NUMB: variants seen among roughly 807,000 people sequenced by gnomAD.
NUMB encodes NUMB endocytic adaptor protein.
A neutral mutation model predicts 59.7 loss-of-function variants in NUMB; 29 were observed. The observed-to-expected ratio is 0.49, with a 90% CI of 0.36 to 0.66. The LOEUF is 0.66. Among genes scored for constraint, NUMB ranks in the 30% least tolerant of loss-of-function variants. The pLI, the probability that NUMB is intolerant of heterozygous loss-of-function variation, is 0.00. For synonymous variants in NUMB, 288 were observed against 288.2 expected, an observed-to-expected ratio of 1.00 and a Z score of 0.01; for missense variants, 723 against 822.0, an observed-to-expected ratio of 0.88 and a Z score of 1.47.
rs982220377 is a variant in NUMB at position 73,450,581 on chromosome 14, G to C, written c.-233+7912C>G. ...AGGCCAAGGCAGGTGGATTACTTGA[G>C]GTCAGGAGTTTGAGATCAGCCTGGC... is the stretch of plus-strand genomic sequence containing the variant. On this transcript the variant is annotated intron_variant, in intron 1 of 12. Transcript: ENST00000555238. Among the ~76,000 whole-genome samples, 17 of 152,140 alleles carry C rather than the reference G, an allele frequency of 1.1e-4. No individual in the cohort carries two copies. The South Asian group carries it at 1.9e-3, about 17-fold the overall frequency.
intron 2 of NUMB, among the ~76,000 whole-genome samples, chr14:73,381,760 A>G (rs889072293): frequency 2.0e-5 from 3 of 152,256 alleles, no homozygotes; most frequent in Admixed American, 6.5e-5. Flanking sequence ...AATATGCTTA[A>G]AATTGTTTAA....
intron 2 of NUMB, among the ~76,000 whole-genome samples, chr14:73,374,466 C>T (rs1046031249): frequency 1.3e-5 from 2 of 152,142 alleles, no homozygotes; most frequent in Non-Finnish European, 2.9e-5. Flanking sequence ...ATTTTCCTTC[C>T]TTCTTTCAGA....
intron 4 of NUMB, among the ~76,000 whole-genome samples, chr14:73,345,388 A>G (rs573680126): frequency 6.6e-6 from 1 of 152,278 alleles, no homozygotes; most frequent in Non-Finnish European, 1.5e-5. Flanking sequence ...ATCAGGTACC[A>G]TGCTCACTAC....
intron 6 of NUMB, among the ~76,000 whole-genome samples, chr14:73,302,249 A>G (rs371727376): frequency 7.6e-4 from 116 of 152,194 alleles, no homozygotes; most frequent in Middle Eastern, 3.4e-3. Flanking sequence ...GTATTTGTTC[A>G]TACTTCTGGG....
At chr14:73,353,719 T>G (rs896203023) in intron 4 of NUMB, among the ~76,000 whole-genome samples, 1 of 151,204 alleles carries the variant, frequency 6.6e-6, no homozygotes, top group Non-Finnish European at 1.5e-5. Context: ...AATAAAAAAA[T>G]AAATAAATGA....
At chr14:73,360,006 A>T (rs763367154) in intron 3 of NUMB, among the ~76,000 whole-genome samples, 1 of 152,210 alleles carries the variant, frequency 6.6e-6, no homozygotes, top group Non-Finnish European at 1.5e-5. Flanking sequence ...AGCATAAGCC[A>T]CTAGTATTTA....
intron 8 of NUMB, 105 bp downstream of exon 8, chr14:73,292,629 A>G: frequency 8.9e-7 from 1 of 1,129,614 alleles, no homozygotes; most frequent in Admixed American, 2.5e-5. Context: ...AGGCACTTCC[A>G]AGTACTTGTT....
intron 7 of NUMB, 145 bp from the exon 8 acceptor site, chr14:73,293,019 A>G: frequency 2.5e-6 from 2 of 811,626 alleles, no homozygotes; most frequent in East Asian, 2.7e-5. Flanking sequence ...CCAGCAGTTT[A>G]AATACTGAGA....
chr14:73,447,630 A>G (rs766229531), intron 1 of NUMB, among the ~76,000 whole-genome samples: 39 of 150,758 alleles, frequency 2.6e-4, no homozygotes, highest in Non-Finnish European at 4.9e-4. Context: ...TAAAAAGGAA[A>G]AAAAAACAAA....
rs1888163831 is a variant in NUMB, at chr14:73,276,539, C to T, written c.*39G>A. 1 of 1,528,590 alleles carries T rather than the reference C, an allele frequency of 6.5e-7. No individual in the cohort carries two copies. Among genetic ancestry groups the T allele is most frequent in the Non-Finnish European group, 9.0e-7 (1 of 1,115,334 alleles). 94.7% of individuals were successfully genotyped at this position (1,528,590 alleles called of 1,614,324 possible). ...TCCTTTGACCGCTACCCCCTGCTCC[C>T]TGTCTGGTATGGACAAGATACATAG... On this transcript the variant is annotated 3_prime_UTR_variant, in exon 13 of 13. Coordinates refer to ENST00000555238, the MANE Select transcript of NUMB (RefSeq NM_001005743.2).
chr14:73,359,418 C>T (rs1490960886), intron 3 of NUMB, among the ~76,000 whole-genome samples: 1 of 152,152 alleles, frequency 6.6e-6, no homozygotes, highest in Non-Finnish European at 1.5e-5. Context: ...ACCCCAAACT[C>T]CACAATACAC....
chr14:73,330,870 G>A (rs1008164696), intron 4 of NUMB, among the ~76,000 whole-genome samples: 3 of 152,170 alleles, frequency 2.0e-5, no homozygotes. Flanking sequence ...ATGACAGGCT[G>A]TCTGCAAGCT....
At chr14:73,315,695 G>A (rs1294984813) in intron 6 of NUMB, among the ~76,000 whole-genome samples, 1 of 151,950 alleles carries the variant, frequency 6.6e-6, no homozygotes, top group Non-Finnish European at 1.5e-5. Flanking sequence ...TGTAAACTTT[G>A]GGGTATATTT....
intron 8 of NUMB, among the ~76,000 whole-genome samples, chr14:73,288,705 CA>C (rs1453886612): frequency 6.6e-6 from 1 of 151,142 alleles, no homozygotes; most frequent in Non-Finnish European, 1.5e-5. Context: ...ACTAAAAATA[CA>C]AAATTAGCCA....
intron 2 of NUMB, among the ~76,000 whole-genome samples, chr14:73,375,309 T>C (rs879856742): frequency 1.3e-5 from 2 of 152,214 alleles, no homozygotes; most frequent in African/African-American, 2.4e-5. Context: ...AAGAGACTTA[T>C]GTTTATTACT....
intron 1 of NUMB, among the ~76,000 whole-genome samples, chr14:73,451,171 AAAAC>A (rs1684627714): frequency 8.5e-6 from 1 of 118,288 alleles, no homozygotes; most frequent in African/African-American, 3.4e-5. Context: ...AAAAAAAAAA[AAAAC>A]AAAAAACAAA....
At position 73,276,586 on chromosome 14, in the gene NUMB, C is replaced by T. The variant is rs1236239809; in HGVS notation, c.1948G>A (p.Glu650Lys). Residue 650 changes from glutamate to lysine, a missense_variant, in exon 13 of 13, where the codon GAA (glutamate) becomes AAA (lysine). Physicochemically the swap from Glu to Lys is moderately conservative, Grantham distance 56. This residue lies in a region of NUMB where 406 missense variants were observed against 385.4 expected (regional missense o/e 1.05). Transcript: ENST00000555238. Reference sequence around the variant, plus strand: ...ATAGCCATAATGATTGCTTAAAGTTCAATTTCAAACGTCTTCTGTAAGTCA... The same window carrying T: ...ATAGCCATAATGATTGCTTAAAGTTTAATTTCAAACGTCTTCTGTAAGTCA... ...SSDLQKTFEI[E>K]L is the part of the protein sequence containing the mutation. 3 of 1,611,364 alleles carry T rather than the reference C, an allele frequency of 1.9e-6. No homozygotes were observed. The highest frequency in any genetic ancestry group is 1.7e-6 in the Non-Finnish European group (2 of 1,178,180).
chr14:73,278,009 G>A (rs1403751933), intron 12 of NUMB, among the ~76,000 whole-genome samples: 1 of 115,852 alleles, frequency 8.6e-6, no homozygotes, highest in African/African-American at 3.4e-5. Context: ...AGTGAACCAA[G>A]ATACTCCAGC....
At chr14:73,280,367 A>G (rs915128914) in intron 11 of NUMB, among the ~76,000 whole-genome samples, 1 of 151,680 alleles carries the variant, frequency 6.6e-6, no homozygotes, top group Non-Finnish European at 1.5e-5. Flanking sequence ...CTAATTTGCT[A>G]CACAATTAAT....
Sources: allele counts gnomAD v4.1 joint callset (sites outside exome capture counted in the v4.1 genomes callset), GRCh38; gene constraint gnomAD v4.1.1; regional missense constraint gnomAD v4.1.1; transcripts MANE v1.5; gene names NCBI Gene and HGNC (gene_info 2026-07-23, HGNC 2026-07-21).